Variants in UROC1 observed in about 807,000 individuals in gnomAD.
UROC1 encodes the protein urocanate hydratase 1, also known as urocanate hydratase.
Under a neutral mutation model 89.5 loss-of-function variants are expected in UROC1, and 79 were observed. The ratio of observed to expected loss-of-function variants is 0.88; its 90% CI spans 0.74 to 1.06. UROC1 has a LOEUF of 1.06. UROC1 is among the 50% of genes least tolerant of loss of function. The pLI, the probability that UROC1 is intolerant of heterozygous loss-of-function variation, is 0.00. For missense variants in UROC1, 885 were observed against 907.8 expected, an observed-to-expected ratio of 0.97 and a Z score of 0.32; for synonymous variants, 361 against 354.8, an observed-to-expected ratio of 1.02 and a Z score of -0.20.
chr3:126,502,202 TTGTG>T (rs932628373), intron 9 of UROC1, among the ~76,000 whole-genome samples: 6 of 151,790 alleles, frequency 4.0e-5, no homozygotes, highest in African/African-American at 4.8e-5. Flanking sequence ...TTGCGTGTGT[TTGTG>T]TGTGTGTCTG....
rs557538772 is a variant in UROC1 at position 126,488,242 on chromosome 3, G to A, written c.1746C>T (p.Arg582=). The A allele has an allele frequency of 1.3e-5, 21 of 1,614,220 alleles. No homozygotes were observed. In the East Asian group the frequency reaches 2.2e-4, roughly 17 times the overall value. ...AVQNFVGDAC[R]GATWVALHNG... ...TGTGAAGGGCGACCCAGGTGGCTCCGCGACAGGCATCTCCCACGAAGTTCT... is the reference window on the plus strand; with the variant it reads ...TGTGAAGGGCGACCCAGGTGGCTCCACGACAGGCATCTCCCACGAAGTTCT... Residue 582 remains arginine, a synonymous_variant, in exon 18 of 20, where the codon CGC becomes CGT. Coordinates refer to ENST00000290868, the MANE Select transcript of UROC1 (RefSeq NM_144639.3).
At chr3:126,497,757 G>A (rs376424631) in intron 14 of UROC1, among the ~76,000 whole-genome samples, 1 of 152,222 alleles carries the variant, frequency 6.6e-6, no homozygotes, top group Non-Finnish European at 1.5e-5. Context: ...CGCAGCCAGA[G>A]GTCCTCACTG....
intron 9 of UROC1, among the ~76,000 whole-genome samples, chr3:126,502,266 C>T (rs1705033780): frequency 6.9e-6 from 1 of 145,550 alleles, no homozygotes; most frequent in African/African-American, 2.6e-5. Flanking sequence ...TGTGTGTGCG[C>T]CTGTGTGTTT....
At chr3:126,486,739 G>A (rs1935524822) in intron 18 of UROC1, among the ~76,000 whole-genome samples, 2 of 152,258 alleles carry the variant, frequency 1.3e-5, no homozygotes, top group African/African-American at 4.8e-5. Flanking sequence ...AGTTGCGGGG[G>A]GTGGGGCGTC....
chr3:126,496,677 C>G lies in UROC1; in HGVS notation c.1439-569G>C, dbSNP rs554032877. ...GAGAGGGCACAGGAGCCAGCCTGAC[C>G]AGCTCGTGAAAGCAGACTGGTAATT... On this transcript the variant is annotated intron_variant, in intron 14 of 19. Coordinates refer to ENST00000290868, the MANE Select transcript of UROC1 (RefSeq NM_144639.3). Among the ~76,000 whole-genome samples, 29 of 152,302 alleles carry G rather than the reference C, an allele frequency of 1.9e-4. 1 individual carries two copies. The highest frequency in any genetic ancestry group is 7.2e-4 in the Admixed American group (11 of 15,300).
In UROC1 at chr3:126,498,188, C is replaced by A. The variant is rs1935828919; in HGVS notation, c.1317-16G>T. 22 of 1,614,062 alleles carry A rather than the reference C, an allele frequency of 1.4e-5. No homozygotes were observed. Among genetic ancestry groups the A allele is most frequent in the Non-Finnish European group, 1.7e-5 (20 of 1,180,014 alleles). On this transcript the variant is annotated splice_polypyrimidine_tract_variant and intron_variant, in intron 13 of 19. Coordinates refer to ENST00000290868, the MANE Select transcript of UROC1 (RefSeq NM_144639.3). The stretch of plus-strand genomic sequence containing the variant: ...GAATATGTCCCTGCAAGCACAGATG[C>A]CTCCTCACCCTGGGCCCGCTGGCTT...
chr3:126,498,963 C>A (rs1935846258), intron 13 of UROC1, among the ~76,000 whole-genome samples: 1 of 152,116 alleles, frequency 6.6e-6, no homozygotes, highest in Non-Finnish European at 1.5e-5. Flanking sequence ...AGGCCCACGA[C>A]CCCCAGGGCC....
At chr3:126,507,904 C>T in intron 5 of UROC1, 63 bp downstream of exon 5, 2 of 1,612,620 alleles carry the variant, frequency 1.2e-6, no homozygotes, top group Middle Eastern at 1.7e-4. Context: ...GGCTTTCTTT[C>T]CAGCGTCTGC....
intron 18 of UROC1, among the ~76,000 whole-genome samples, chr3:126,487,772 C>T (rs73862712): frequency 0.017 from 2,614 of 152,308 alleles, 80 homozygotes; most frequent in African/African-American, 0.06. Context: ...GCCCAGCTGC[C>T]CTGGGAGCCT....
intron 6 of UROC1, among the ~76,000 whole-genome samples, chr3:126,506,264 T>C (rs1936058767): frequency 6.6e-6 from 1 of 152,154 alleles, no homozygotes; most frequent in South Asian, 2.1e-4. Context: ...TGGTGAAGAA[T>C]TGTTTTGGGG....
chr3:126,500,341 C>T (rs187112289), intron 11 of UROC1, among the ~76,000 whole-genome samples, 187 bp from the exon 12 acceptor site: 22 of 152,318 alleles, frequency 1.4e-4, no homozygotes, highest in African/African-American at 5.1e-4. Flanking sequence ...AGAACCTCTG[C>T]ACCTTTCAAG....
intron 18 of UROC1, among the ~76,000 whole-genome samples, chr3:126,484,160 C>A (rs749720898): frequency 6.6e-6 from 1 of 152,202 alleles, no homozygotes. Flanking sequence ...ATGCATTTCT[C>A]TCCTTCTAAC....
rs913539791 is a variant in UROC1 at position 126,498,041 on chromosome 3, A to G, written c.1438+10T>C. On this transcript the variant is annotated intron_variant, in intron 14 of 19. Transcript: ENST00000290868. ...CACCCACCCATGGGCATCCCCACCAATGGCGTCACCTCCATCAGCAATGGC... is the reference window on the plus strand; with the variant it reads ...CACCCACCCATGGGCATCCCCACCAGTGGCGTCACCTCCATCAGCAATGGC... 1 of 1,614,030 alleles carries G rather than the reference A, an allele frequency of 6.2e-7. No individual in the cohort carries two copies. The highest frequency in any genetic ancestry group is 8.5e-7 in the Non-Finnish European group (1 of 1,180,012).
intron 16 of UROC1, among the ~76,000 whole-genome samples, chr3:126,489,850 G>T (rs1271277001): frequency 6.6e-6 from 1 of 152,160 alleles, no homozygotes; most frequent in Non-Finnish European, 1.5e-5. Context: ...TCATTTGGAC[G>T]CAACCCCATT....
chr3:126,492,677 C>T (rs1935683009), intron 15 of UROC1, among the ~76,000 whole-genome samples, 161 bp from the exon 16 acceptor site: 1 of 152,168 alleles, frequency 6.6e-6, no homozygotes, highest in Non-Finnish European at 1.5e-5. Flanking sequence ...CATGGTAGCT[C>T]TCAAATCTGT....
At position 126,507,981 on chromosome 3, in the gene UROC1, T is replaced by C. The variant is rs750064546; in HGVS notation, c.526A>G (p.Ile176Val). 3.1e-6 allele frequency: 5 copies of C among 1,613,798 alleles called. No individual in the cohort carries two copies. Among genetic ancestry groups the C allele is most frequent in the Non-Finnish European group, 4.2e-6 (5 of 1,180,028 alleles). The change falls in exon 5 of 20, where the codon ATC (isoleucine) becomes GTC (valine). Residue 176 changes from isoleucine (I) to valine (V), a missense_variant. Transcript: ENST00000290868. ...PSSRSAPRLV[I>V]TNGMVIPNYS... ...TGGGGACCCACCATCCCATTGGTGA[T>C]GACGAGCCGTGGGGCACTGCGGCTG...
rs1799398 is a variant in UROC1, at chr3:126,481,560, A to C, written c.*785T>G. On this transcript the variant is annotated 3_prime_UTR_variant, in exon 20 of 20. Transcript: ENST00000290868. ...GATGAGTTATCTGTTGGTCTGTTGC[A>C]CGCCCAGCTAAGAGAATGAGATTCA... 76,492 of 151,972 alleles carry C rather than the reference A, an allele frequency of 0.5. 21,268 individuals carry two copies. Among genetic ancestry groups the C allele is most frequent in the Non-Finnish European group, 0.62 (42,305 of 67,962 alleles). The allele number at this position is 151,972 out of a possible 1,614,324, so 9.4% of individuals were successfully genotyped here.
intron 11 of UROC1, 22 bp downstream of exon 11, chr3:126,500,673 C>T (rs1249326485): frequency 1.2e-6 from 2 of 1,614,036 alleles, no homozygotes; most frequent in African/African-American, 1.3e-5. Flanking sequence ...ATGCTTCTGC[C>T]ACCCCCAACT....
chr3:126,500,857 T>C lies in UROC1; in HGVS notation c.983A>G (p.Glu328Gly). Residue 328 changes from glutamate (E) to glycine (G), a missense_variant, in exon 11 of 20, where the codon GAA (glutamate) becomes GGA (glycine). Coordinates refer to ENST00000290868, the MANE Select transcript of UROC1 (RefSeq NM_144639.3). ...VVALWERLVHELDTTGECLVD... is the reference protein window; with the variant it reads ...VVALWERLVHGLDTTGECLVD... The stretch of plus-strand genomic sequence containing the variant: ...CAAGCACTCCCCCGTCGTGTCCAAT[T>C]CGTGGACCAGGCGCTCCCTGGGGAA... 6.2e-7 allele frequency: 1 copy of C among 1,613,778 alleles called. No homozygotes were observed. Among genetic ancestry groups the C allele is most frequent in the Admixed American group, 1.7e-5 (1 of 60,022 alleles).
Sources: allele counts gnomAD v4.1 joint callset (sites outside exome capture counted in the v4.1 genomes callset), GRCh38; gene constraint gnomAD v4.1.1; transcripts MANE v1.5; gene names NCBI Gene and HGNC (gene_info 2026-07-23, HGNC 2026-07-21).